The following SAMD12 variants were observed in gnomAD, a reference collection of about 807,000 sequenced individuals.
SAMD12 encodes the protein sterile alpha motif domain-containing protein 12.
Under a neutral mutation model 15.0 loss-of-function variants are expected in SAMD12, and 9 were observed. That is an observed-to-expected ratio of 0.60 (90% CI 0.36 to 1.05). SAMD12 has a LOEUF of 1.05. Ranked by LOEUF, SAMD12 falls within the 50% of genes least tolerant of loss-of-function variation. The probability of loss-of-function intolerance (pLI) is 0.01; values close to 1 mark genes in which losing one functional copy is unlikely to be tolerated. For synonymous variants in SAMD12, 86 were observed against 90.1 expected, an observed-to-expected ratio of 0.96 and a Z score of 0.25; for missense variants, 230 against 234.2, an observed-to-expected ratio of 0.98 and a Z score of 0.12.
intron 2 of SAMD12, among the ~76,000 whole-genome samples, chr8:118,508,523 C>A (rs1236408420): frequency 6.6e-6 from 1 of 152,116 alleles, no homozygotes; most frequent in African/African-American, 2.4e-5. Flanking sequence ...TTGTTAATGT[C>A]ATTTCAAATT....
At chr8:118,240,689 A>G (rs963585546) in intron 4 of SAMD12, among the ~76,000 whole-genome samples, 18 of 152,156 alleles carry the variant, frequency 1.2e-4, no homozygotes, top group Admixed American at 9.8e-4. Flanking sequence ...TCATTTGGCA[A>G]ATATTTAAAA....
At chr8:118,407,388 T>C (rs1331782030) in intron 3 of SAMD12, among the ~76,000 whole-genome samples, 1 of 152,156 alleles carries the variant, frequency 6.6e-6, no homozygotes, top group Non-Finnish European at 1.5e-5. Flanking sequence ...ATCATCAAGG[T>C]TTTGATTATT....
chr8:118,459,907 G>A lies in SAMD12; in HGVS notation c.193-19946C>T, dbSNP rs151004251. 1.3e-3 allele frequency among the ~76,000 whole-genome samples: 192 copies of A among 152,128 alleles called. 1 individual carries two copies. Among genetic ancestry groups the A allele is most frequent in the Non-Finnish European group, 2.4e-3 (160 of 68,034 alleles). On this transcript the variant is annotated intron_variant, in intron 2 of 3. Coordinates refer to ENST00000314727, the MANE Select transcript of SAMD12 (RefSeq NM_207506.3). ...TTCTAACACAAGAGCAGACACTAAG[G>A]AGCCAACAACCCAGTGGTGACAAGT... is the stretch of plus-strand genomic sequence containing the variant.
At chr8:118,407,318 T>C (rs1423976703) in intron 3 of SAMD12, among the ~76,000 whole-genome samples, 2 of 148,748 alleles carry the variant, frequency 1.3e-5, no homozygotes, top group Non-Finnish European at 3.0e-5. Context: ...CACATCCTTG[T>C]TGACACTTGT....
At chr8:118,551,839 G>A (rs1826346285) in intron 2 of SAMD12, among the ~76,000 whole-genome samples, 1 of 151,898 alleles carries the variant, frequency 6.6e-6, no homozygotes, top group Non-Finnish European at 1.5e-5. Flanking sequence ...AAATGATAAA[G>A]GGGATATCAC....
intron 4 of SAMD12, among the ~76,000 whole-genome samples, chr8:118,266,929 T>TTA (rs1813216787): frequency 6.6e-6 from 1 of 152,148 alleles, no homozygotes; most frequent in South Asian, 2.1e-4. Context: ...ACATGGTAAC[T>TTA]ACAGTTAATA....
chr8:118,155,971 T>A, the SAMD12 span, among the ~76,000 whole-genome samples: 1 of 152,248 alleles, frequency 6.6e-6, no homozygotes, highest in Non-Finnish European at 1.5e-5. Context: ...AGCATTAAAT[T>A]CTTTCTGTAT....
At chr8:118,532,916 G>A (rs1432983091) in intron 2 of SAMD12, among the ~76,000 whole-genome samples, 1 of 151,926 alleles carries the variant, frequency 6.6e-6, no homozygotes, top group Admixed American at 6.6e-5. Flanking sequence ...TTTTTTGAAG[G>A]GTTTTTTGTG....
chr8:118,236,420 A>G (rs946260961), intron 4 of SAMD12, among the ~76,000 whole-genome samples: 4 of 152,214 alleles, frequency 2.6e-5, no homozygotes, highest in African/African-American at 4.8e-5. Context: ...GCACTCACCA[A>G]TGAAACTCTC....
At chr8:118,618,838 C>CAA (rs34748614) in intron 1 of SAMD12, among the ~76,000 whole-genome samples, 5,602 of 118,662 alleles carry the variant, frequency 0.047, 135 homozygotes, top group African/African-American at 0.057. Context: ...GACTCCGTCT[C>CAA]AAAAAAAAAA....
At chr8:118,551,488 G>A (rs563603491) in intron 2 of SAMD12, among the ~76,000 whole-genome samples, 1 of 151,830 alleles carries the variant, frequency 6.6e-6, no homozygotes, top group Non-Finnish European at 1.5e-5. Context: ...CGAGAACAAA[G>A]ACACAACATA....
intron 4 of SAMD12, among the ~76,000 whole-genome samples, chr8:118,364,090 C>T (rs1271328848): frequency 2.6e-5 from 4 of 152,166 alleles, no homozygotes; most frequent in South Asian, 2.1e-4. Context: ...ATCCCCGAAC[C>T]GACCTTTTAG....
intron 4 of SAMD12, among the ~76,000 whole-genome samples, chr8:118,217,297 C>T (rs540893243): frequency 3.3e-5 from 5 of 152,302 alleles, no homozygotes; most frequent in Middle Eastern, 3.4e-3. Context: ...CCACTGCGCC[C>T]GGGCCTGGTC....
At chr8:118,245,700 A>G (rs1812673684) in intron 4 of SAMD12, among the ~76,000 whole-genome samples, 1 of 152,148 alleles carries the variant, frequency 6.6e-6, no homozygotes, top group South Asian at 2.1e-4. Flanking sequence ...AATATTTAAT[A>G]AAAAGGGACT....
chr8:118,552,752 C>T (rs1826383499), intron 2 of SAMD12, among the ~76,000 whole-genome samples: 1 of 152,202 alleles, frequency 6.6e-6, no homozygotes, highest in South Asian at 2.1e-4. Flanking sequence ...TCCCTGTTCA[C>T]AGATGACATG....
At chr8:118,360,908 G>T (rs185599349) in intron 4 of SAMD12, among the ~76,000 whole-genome samples, 2 of 152,200 alleles carry the variant, frequency 1.3e-5, no homozygotes, top group East Asian at 1.9e-4. Flanking sequence ...CTTCTGGAAG[G>T]GTTTAAATCT....
chr8:118,349,205 G>C (rs1353419776), intron 4 of SAMD12, among the ~76,000 whole-genome samples: 6 of 152,176 alleles, frequency 3.9e-5, no homozygotes, highest in Non-Finnish European at 7.3e-5. Context: ...TTTTTAATAT[G>C]CCTTAACACC....
chr8:118,351,881 C>G (rs1194480248), intron 4 of SAMD12, among the ~76,000 whole-genome samples: 1 of 152,194 alleles, frequency 6.6e-6, no homozygotes, highest in Non-Finnish European at 1.5e-5. Context: ...TTTTCCAGTT[C>G]ACAGTTCTCA....
At chr8:118,615,074 A>G (rs1355905225) in intron 1 of SAMD12, among the ~76,000 whole-genome samples, 7 of 152,164 alleles carry the variant, frequency 4.6e-5, no homozygotes, top group Non-Finnish European at 1.0e-4. Context: ...TTTACCAGAC[A>G]TGAGTTAGGA....
Sources: gnomAD v4.1 joint callset for allele counts (sites outside exome capture counted in the v4.1 genomes callset) on GRCh38, gnomAD v4.1.1 for gene constraint, MANE v1.5 for transcripts, NCBI Gene and HGNC (gene_info 2026-07-23, HGNC 2026-07-21) for gene names.